The following BMPER variants were observed in gnomAD, a reference collection of about 807,000 sequenced individuals.
BMPER encodes the protein BMP-binding endothelial regulator protein.
Under a neutral mutation model 87.3 loss-of-function variants are expected in BMPER, and 45 were observed. That is an observed-to-expected ratio of 0.52 (90% confidence interval 0.41 to 0.66). The LOEUF is 0.66. BMPER is among the 30% of genes least tolerant of loss of function. The pLI is 0.00. For synonymous variants in BMPER, 326 were observed against 316.2 expected (o/e 1.03, Z -0.33); for missense variants, 784 against 867.5 (o/e 0.90, Z 1.21).
At chr7:33,998,258 A>G (rs1234144064) in intron 6 of BMPER, among the ~76,000 whole-genome samples, 2 of 152,222 alleles carry the variant, frequency 1.3e-5, no homozygotes, top group Non-Finnish European at 2.9e-5. Flanking sequence ...ATTACCCAAG[A>G]TAAATGGAGT....
chr7:34,119,926 A>G (rs1459457033), intron 13 of BMPER, among the ~76,000 whole-genome samples: 1 of 152,206 alleles, frequency 6.6e-6, no homozygotes, highest in Non-Finnish European at 1.5e-5. Context: ...TGTTATAGCA[A>G]GCATATCAGA....
intron 11 of BMPER, among the ~76,000 whole-genome samples, chr7:34,065,573 C>T (rs1260796348): frequency 6.6e-6 from 1 of 152,144 alleles, no homozygotes; most frequent in Non-Finnish European, 1.5e-5. Flanking sequence ...CCCTTGGCAC[C>T]TGTGGATTAG....
chr7:34,049,474 A>G (rs1035550489), intron 7 of BMPER, among the ~76,000 whole-genome samples: 1 of 152,172 alleles, frequency 6.6e-6, no homozygotes, highest in African/African-American at 2.4e-5. Flanking sequence ...CCACCTGTGG[A>G]ACAATATTGC....
chr7:33,959,179 C>A (rs971374225), intron 3 of BMPER, among the ~76,000 whole-genome samples: 6 of 152,180 alleles, frequency 3.9e-5, no homozygotes, highest in Non-Finnish European at 8.8e-5. Flanking sequence ...CAGATTAATA[C>A]AAGTGCTTTT....
rs569286465 is a variant in BMPER, at chr7:33,965,082, T to C, written c.320-1397T>C. On this transcript the variant is annotated intron_variant, in intron 3 of 14. Coordinates refer to ENST00000649409, the MANE Select transcript of BMPER (RefSeq NM_001365308.1). ...TTGGTTTTCATTGTTGAAAATTTAC[T>C]GTATTCATTCTCGATTTGGCATAAG... Among the ~76,000 whole-genome samples the C allele has an allele frequency of 2.1e-4, 32 of 152,370 alleles. No homozygotes were observed. In the South Asian group the frequency reaches 6.4e-3, roughly 31 times the overall value.
At chr7:33,957,519 T>C (rs1785176514) in intron 3 of BMPER, among the ~76,000 whole-genome samples, 1 of 152,100 alleles carries the variant, frequency 6.6e-6, no homozygotes, top group Non-Finnish European at 1.5e-5. Flanking sequence ...AAAACAATTC[T>C]GTATGTTACG....
In BMPER at chr7:33,915,190, C is replaced by T. The variant is rs530310485; in HGVS notation, c.219+8287C>T. ...AGGTACCCAAACAAAACTAATTTCA[C>T]GGATAACAGTAATATGCTTTTTGCA... On this transcript the variant is annotated intron_variant, in intron 2 of 14. Transcript: ENST00000649409. Among the ~76,000 whole-genome samples, 73 of 152,192 alleles carry T rather than the reference C, an allele frequency of 4.8e-4. 1 individual carries two copies. The Middle Eastern group carries it at 0.01, about 21-fold the overall frequency.
intron 6 of BMPER, among the ~76,000 whole-genome samples, chr7:34,011,280 G>T (rs757083215): frequency 6.6e-6 from 1 of 151,782 alleles, no homozygotes; most frequent in Non-Finnish European, 1.5e-5. Flanking sequence ...CCGAGATTCT[G>T]TATTTCTACC....
In BMPER at chr7:34,153,134, C is replaced by A; in HGVS notation, c.1919C>A (p.Pro640Gln). Residue 640 changes from proline to glutamine, a missense_variant, in exon 15 of 15, where the codon CCG (proline) becomes CAG (glutamine). By Grantham distance (76) the Pro-to-Gln change is moderately conservative. Transcript: ENST00000649409. ...KHGAVYDTCG[P>Q]GCIKTCDNWN... ...GGTGCTGTGTACGATACCTGTGGTC[C>A]GGGATGTATCAAGACGTGTGACAAC... The A allele has an allele frequency of 1.2e-6, 2 of 1,613,932 alleles. No homozygotes were observed. Among genetic ancestry groups the A allele is most frequent in the East Asian group, 4.5e-5 (2 of 44,886 alleles).
chr7:34,014,847 A>G (rs892373782), intron 6 of BMPER, among the ~76,000 whole-genome samples: 1 of 151,862 alleles, frequency 6.6e-6, no homozygotes, highest in East Asian at 1.9e-4. Flanking sequence ...CAAATGATCC[A>G]TTTTCTTTTA....
chr7:33,967,310 TA>T (rs1373786500), intron 4 of BMPER, among the ~76,000 whole-genome samples: 2 of 152,272 alleles, frequency 1.3e-5, no homozygotes, highest in Admixed American at 6.5e-5. Context: ...TAAATCATTT[TA>T]TCCCTAACCC....
At chr7:34,051,800 A>G (rs1303645759) in intron 7 of BMPER, 61 bp from the exon 8 acceptor site, 2 of 1,398,200 alleles carry the variant, frequency 1.4e-6, no homozygotes, top group Non-Finnish European at 2.0e-6. Flanking sequence ...GGAATCACCG[A>G]TGACAAAATG....
At chr7:33,974,858 G>T in intron 6 of BMPER, 74 bp downstream of exon 6, 1 of 1,399,588 alleles carries the variant, frequency 7.1e-7, no homozygotes, top group Non-Finnish European at 1.0e-6. Flanking sequence ...GAGCACCCCC[G>T]GTCTCTACAG....
At chr7:34,095,516 G>A (rs1170526529) in intron 13 of BMPER, among the ~76,000 whole-genome samples, 1 of 152,080 alleles carries the variant, frequency 6.6e-6, no homozygotes, top group African/African-American at 2.4e-5. Flanking sequence ...GCTTCCCTTT[G>A]CCCTATTGCC....
At position 34,070,808 on chromosome 7, in the gene BMPER, C is replaced by T. The variant is rs556526268; in HGVS notation, c.1079-8049C>T. Among the ~76,000 whole-genome samples, 38 of 141,692 alleles carry T rather than the reference C, an allele frequency of 2.7e-4. No homozygotes were observed. The South Asian group carries it at 5.2e-3, about 19-fold the overall frequency. The allele number at this position is 141,692 out of a possible 152,430, so 93.0% of individuals were successfully genotyped here. On this transcript the variant is annotated intron_variant, in intron 11 of 14. Coordinates refer to ENST00000649409, the MANE Select transcript of BMPER (RefSeq NM_001365308.1). ...AGAGTGCCTCCCAAACTAATTTGAG[C>T]GGCAGAGCTTTTTTTTTTTTTTTTT... is the stretch of plus-strand genomic sequence containing the variant.
At chr7:34,091,983 T>C (rs995605448) in intron 13 of BMPER, among the ~76,000 whole-genome samples, 1 of 152,200 alleles carries the variant, frequency 6.6e-6, no homozygotes, top group Non-Finnish European at 1.5e-5. Flanking sequence ...TTTGACCCTT[T>C]TGTATTTCAC....
rs1391728307 is a variant in BMPER at position 34,061,993 on chromosome 7, T to A, written c.1033-9T>A. 1 of 1,607,710 alleles carries A rather than the reference T, an allele frequency of 6.2e-7. No individual in the cohort carries two copies. Among genetic ancestry groups the A allele is most frequent in the Non-Finnish European group, 8.5e-7 (1 of 1,176,638 alleles). ...ACAGTAACTTTGTATTTGTTTTTCT[T>A]CTGATTAGGGCAAAATTCTCAACAG... On this transcript the variant is annotated splice_polypyrimidine_tract_variant and intron_variant, in intron 10 of 14. Coordinates refer to ENST00000649409, the MANE Select transcript of BMPER (RefSeq NM_001365308.1).
chr7:34,141,081 A>G (rs1790854406), intron 13 of BMPER, among the ~76,000 whole-genome samples: 1 of 152,340 alleles, frequency 6.6e-6, no homozygotes, highest in Non-Finnish European at 1.5e-5. Context: ...GAGCGTAAAT[A>G]TGATGGGTGT....
At chr7:33,940,327 C>T (rs1049066004) in intron 3 of BMPER, among the ~76,000 whole-genome samples, 1 of 152,146 alleles carries the variant, frequency 6.6e-6, no homozygotes, top group Non-Finnish European at 1.5e-5. Flanking sequence ...TCTCAACATT[C>T]ATTTGGTCGT....
Sources: allele counts gnomAD v4.1 joint callset (sites outside exome capture counted in the v4.1 genomes callset), GRCh38; gene constraint gnomAD v4.1.1; transcripts MANE v1.5; gene names NCBI Gene and HGNC (gene_info 2026-07-23, HGNC 2026-07-21).